The following CPPED1 variants were observed in gnomAD, a reference collection of about 807,000 sequenced individuals.
CPPED1 encodes the protein serine/threonine-protein phosphatase CPPED1.
Under a neutral mutation model 28.0 loss-of-function variants are expected in CPPED1, and 28 were observed. The ratio of observed to expected loss-of-function variants is 1.00; its 90% CI spans 0.74 to 1.37. CPPED1 has a LOEUF of 1.37. Among genes scored for constraint, CPPED1 ranks in the 40% most tolerant of loss-of-function variants. CPPED1 has a pLI of 0.00. For synonymous variants in CPPED1, 198 were observed against 180.2 expected (o/e 1.10, Z -0.79); for missense variants, 504 against 416.5 (o/e 1.21, Z -1.83).
chr16:12,687,016 G>C (rs1015738331), intron 3 of CPPED1, among the ~76,000 whole-genome samples: 1 of 152,250 alleles, frequency 6.6e-6, no homozygotes, highest in Admixed American at 6.5e-5. Flanking sequence ...TGTGAGCTAA[G>C]AATGCTTCTT....
At chr16:12,672,683 A>G (rs2079858576) in intron 3 of CPPED1, among the ~76,000 whole-genome samples, 1 of 152,202 alleles carries the variant, frequency 6.6e-6, no homozygotes, top group African/African-American at 2.4e-5. Context: ...GATTAGTGAG[A>G]GGCACATCAT....
chr16:12,759,495 G>A (rs1324812105), intron 2 of CPPED1: 1 of 152,266 alleles, frequency 6.6e-6, no homozygotes, highest in African/African-American at 2.4e-5. Flanking sequence ...AGGCCATCTA[G>A]CTTTCATCAT....
At chr16:12,799,134 T>C (rs2080643622) in intron 1 of CPPED1, among the ~76,000 whole-genome samples, 1 of 152,158 alleles carries the variant, frequency 6.6e-6, no homozygotes, top group Admixed American at 6.6e-5. Flanking sequence ...AATGAGCTGA[T>C]TCTGCAGCAA....
intron 2 of CPPED1, among the ~76,000 whole-genome samples, chr16:12,714,281 A>AT (rs1203054890): frequency 6.6e-6 from 1 of 152,156 alleles, no homozygotes; most frequent in African/African-American, 2.4e-5. Context: ...AGATGTGTGG[A>AT]TATCTTTCAT....
chr16:12,677,034 G>A (rs1346276355), intron 3 of CPPED1, among the ~76,000 whole-genome samples: 1 of 152,126 alleles, frequency 6.6e-6, no homozygotes, highest in Non-Finnish European at 1.5e-5. Context: ...TCAGGTGAGG[G>A]GAATATCACG....
At chr16:12,688,902 C>T (rs2141176982) in intron 3 of CPPED1, among the ~76,000 whole-genome samples, 1 of 152,360 alleles carries the variant, frequency 6.6e-6, no homozygotes, top group Non-Finnish European at 1.5e-5. Context: ...AAACACGACA[C>T]ACAGTCACAT....
At chr16:12,733,038 G>C (rs1441746321) in intron 2 of CPPED1, among the ~76,000 whole-genome samples, 2 of 152,134 alleles carry the variant, frequency 1.3e-5, no homozygotes, top group East Asian at 3.9e-4. Context: ...GCTGAGATTG[G>C]TTATTATTTT....
intron 2 of CPPED1, among the ~76,000 whole-genome samples, chr16:12,756,128 C>A (rs1489261247): frequency 2.5e-4 from 36 of 146,092 alleles, no homozygotes; most frequent in African/African-American, 5.8e-4. Context: ...GAAACTCCGT[C>A]AAAAAAAACA....
In CPPED1 at chr16:12,661,337, A is replaced by T. The variant is rs1417575632; in HGVS notation, c.*3549T>A. ...TCTGCAAGTGATCAATAATCTCTTA[A>T]TACTGAAAATCACAAAATAGGATAA... On this transcript the variant is annotated 3_prime_UTR_variant, in exon 4 of 4. Transcript: ENST00000381774. 1.3e-5 allele frequency: 2 copies of T among 152,216 alleles called. No homozygotes were observed. The highest frequency in any genetic ancestry group is 4.8e-5 in the African/African-American group (2 of 41,462). The allele number at this position is 152,216 out of a possible 1,614,324, so 9.4% of individuals were successfully genotyped here.
intron 2 of CPPED1, among the ~76,000 whole-genome samples, chr16:12,779,005 T>C (rs544077908): frequency 6.6e-6 from 1 of 152,366 alleles, no homozygotes; most frequent in Non-Finnish European, 1.5e-5. Flanking sequence ...GTGTTTAATG[T>C]ATATTCAGTG....
At chr16:12,735,935 G>A (rs2080224547) in intron 2 of CPPED1, among the ~76,000 whole-genome samples, 1 of 152,144 alleles carries the variant, frequency 6.6e-6, no homozygotes, top group African/African-American at 2.4e-5. Flanking sequence ...GCCCCTAATG[G>A]TGGAAGAGGG....
At chr16:12,780,124 G>T (rs2080521344) in intron 2 of CPPED1, among the ~76,000 whole-genome samples, 1 of 152,090 alleles carries the variant, frequency 6.6e-6, no homozygotes, top group African/African-American at 2.4e-5. Context: ...ACACTCTGGT[G>T]GAAGGGGGCC....
At chr16:12,783,369 C>T (rs2080543778) in intron 1 of CPPED1, among the ~76,000 whole-genome samples, 1 of 151,904 alleles carries the variant, frequency 6.6e-6, no homozygotes, top group South Asian at 2.1e-4. Context: ...TGTGGTGGTG[C>T]ATCCCTATAG....
intron 2 of CPPED1, among the ~76,000 whole-genome samples, chr16:12,731,445 C>T (rs767642921): frequency 9.9e-5 from 15 of 151,444 alleles, no homozygotes; most frequent in Admixed American, 1.3e-4. Context: ...ATGGGTCCCC[C>T]GGGGAAAACA....
chr16:12,776,414 G>C (rs2080498120), intron 2 of CPPED1, among the ~76,000 whole-genome samples: 2 of 152,160 alleles, frequency 1.3e-5, no homozygotes, highest in South Asian at 4.1e-4. Flanking sequence ...TACTGATATG[G>C]TTTTGCTGTG....
intron 3 of CPPED1, among the ~76,000 whole-genome samples, chr16:12,669,569 A>G (rs1406204148): frequency 6.6e-6 from 1 of 152,204 alleles, no homozygotes; most frequent in African/African-American, 2.4e-5. Flanking sequence ...TTAGAGTTGG[A>G]GATATCAGTG....
At chr16:12,693,472 A>AG (rs771036274) in intron 3 of CPPED1, among the ~76,000 whole-genome samples, 1 of 151,706 alleles carries the variant, frequency 6.6e-6, no homozygotes, top group Non-Finnish European at 1.5e-5. Context: ...CTGGAATTAC[A>AG]GGGGTGAGTC....
intron 2 of CPPED1, among the ~76,000 whole-genome samples, chr16:12,719,936 C>T (rs749541658): frequency 9.3e-5 from 14 of 149,978 alleles, no homozygotes; most frequent in South Asian, 4.2e-4. Flanking sequence ...AACTCCATCA[C>T]AGAAAAAAAA....
chr16:12,767,018 T>A (rs2080443871), intron 2 of CPPED1, among the ~76,000 whole-genome samples: 1 of 151,234 alleles, frequency 6.6e-6, no homozygotes. Context: ...TTTTTTTGAG[T>A]CATGGAGCCT....
Sources: allele counts gnomAD v4.1 joint callset (sites outside exome capture counted in the v4.1 genomes callset), GRCh38; gene constraint gnomAD v4.1.1; transcripts MANE v1.5; gene names NCBI Gene and HGNC (gene_info 2026-07-23, HGNC 2026-07-21).